The following RASEF variants were observed in gnomAD, a reference collection of about 807,000 sequenced individuals.
The protein encoded by RASEF is RAS and EF-hand domain containing.
In RASEF, 68 loss-of-function variants were observed where a neutral mutation model predicts 90.1. The observed-to-expected ratio is 0.75, with a 90% CI of 0.62 to 0.92. The LOEUF (loss-of-function observed/expected upper bound fraction) is 0.92, where lower values mean the gene tolerates loss of function less well. Among genes scored for constraint, RASEF ranks in the 40% least tolerant of loss-of-function variants. The pLI, the probability that RASEF is intolerant of heterozygous loss-of-function variation, is 0.00. For synonymous variants in RASEF, 331 were observed against 345.2 expected (o/e 0.96, Z 0.46); for missense variants, 949 against 937.2 (o/e 1.01, Z -0.16).
At chr9:83,092,500 T>C in the RASEF span, among the ~76,000 whole-genome samples, 2 of 151,802 alleles carry the variant, frequency 1.3e-5, no homozygotes, top group Admixed American at 6.6e-5. Flanking sequence ...GCGGCGCGTC[T>C]GGAGTTGTTC....
chr9:83,186,467 T>C, the RASEF span, among the ~76,000 whole-genome samples: 1 of 152,138 alleles, frequency 6.6e-6, no homozygotes, highest in East Asian at 1.9e-4. Flanking sequence ...CTTCTTAGTA[T>C]GACATTTAAG....
rs954596154 is a variant in RASEF at position 83,026,567 on chromosome 9, C to T, written c.432-646G>A. On this transcript the variant is annotated intron_variant, in intron 1 of 16. Transcript: ENST00000376447. Reference sequence around the variant, plus strand: ...CTCTTTCACTATCACGAGAACAGTACGGGGGAAACCGCCCACATGATCCAA... The same window carrying T: ...CTCTTTCACTATCACGAGAACAGTATGGGGGAAACCGCCCACATGATCCAA... Among the ~76,000 whole-genome samples the T allele has an allele frequency of 5.3e-5, 8 of 152,118 alleles. No homozygotes were observed. The South Asian group carries it at 8.3e-4, about 16-fold the overall frequency.
At chr9:83,033,518 T>C (rs902281550) in intron 1 of RASEF, among the ~76,000 whole-genome samples, 6 of 152,072 alleles carry the variant, frequency 3.9e-5, no homozygotes, top group African/African-American at 1.2e-4. Context: ...GAGCTGGAGC[T>C]GGAGAAGTTA....
chr9:82,995,876 A>C (rs1828907783), intron 14 of RASEF, among the ~76,000 whole-genome samples: 1 of 152,204 alleles, frequency 6.6e-6, no homozygotes, highest in Admixed American at 6.5e-5. Flanking sequence ...AGCAAGAGCT[A>C]CCTATGCTTT....
At chr9:83,112,870 T>C in the RASEF span, among the ~76,000 whole-genome samples, 6 of 152,106 alleles carry the variant, frequency 3.9e-5, no homozygotes, top group Admixed American at 1.3e-4. Context: ...GAAAAGACAA[T>C]GGAGATACAA....
chr9:83,024,887 C>T (rs1564080987), intron 2 of RASEF, among the ~76,000 whole-genome samples: 2 of 152,142 alleles, frequency 1.3e-5, no homozygotes, highest in Admixed American at 6.5e-5. Context: ...ATTAAAAGGG[C>T]TGCATCTATA....
At chr9:82,993,113 T>G in intron 14 of RASEF, 88 bp from the exon 15 acceptor site, 1 of 1,414,510 alleles carries the variant, frequency 7.1e-7, no homozygotes, top group Non-Finnish European at 9.6e-7. Flanking sequence ...CAATTACCAT[T>G]TTCCCTTTGC....
chr9:83,025,730 A>T lies in RASEF; in HGVS notation c.578+45T>A, dbSNP rs768580409. On this transcript the variant is annotated intron_variant, in intron 2 of 16. Coordinates refer to ENST00000376447, the MANE Select transcript of RASEF (RefSeq NM_152573.4). ...CATTTGCCACCCAGGTCAGAGAGCA[A>T]GTTAAAGCACCCACAGGCCACTTAT... The T allele has an allele frequency of 1.2e-5, 19 of 1,594,234 alleles. No individual in the cohort carries two copies. In the South Asian group the frequency reaches 2.2e-4, roughly 18 times the overall value.
At chr9:83,174,316 T>C in the RASEF span, among the ~76,000 whole-genome samples, 1 of 152,106 alleles carries the variant, frequency 6.6e-6, no homozygotes, top group Non-Finnish European at 1.5e-5. Flanking sequence ...TGAGTTAATT[T>C]TGAGTTAATC....
the RASEF span, among the ~76,000 whole-genome samples, chr9:83,156,906 C>T: frequency 6.6e-6 from 1 of 152,340 alleles, no homozygotes; most frequent in South Asian, 2.1e-4. Flanking sequence ...ACAGTTTTCA[C>T]TGTAACACAT....
chr9:83,024,720 C>T (rs1829510749), intron 2 of RASEF, among the ~76,000 whole-genome samples: 1 of 152,148 alleles, frequency 6.6e-6, no homozygotes, highest in East Asian at 1.9e-4. Context: ...TAAGAAAGGT[C>T]CTATTTCATA....
At chr9:83,040,024 A>G (rs530266627) in intron 1 of RASEF, among the ~76,000 whole-genome samples, 4 of 152,238 alleles carry the variant, frequency 2.6e-5, no homozygotes, top group Non-Finnish European at 4.4e-5. Flanking sequence ...GTGATAGTGA[A>G]TAAGTCTCAT....
the RASEF span, among the ~76,000 whole-genome samples, chr9:83,077,653 A>C: frequency 1.3e-5 from 2 of 152,350 alleles, no homozygotes; most frequent in Admixed American, 6.5e-5. Context: ...AGATTATTAG[A>C]GAAATAATCC....
At chr9:83,061,682 C>T (rs371526056) in intron 1 of RASEF, among the ~76,000 whole-genome samples, 3 of 152,260 alleles carry the variant, frequency 2.0e-5, no homozygotes, top group African/African-American at 4.8e-5. Context: ...TAATTAAGTC[C>T]GTGACTTGAC....
chr9:83,202,840 A>T, the RASEF span, among the ~76,000 whole-genome samples: 6 of 152,138 alleles, frequency 3.9e-5, no homozygotes, highest in African/African-American at 7.2e-5. Flanking sequence ...TAAGTATGTG[A>T]GGCACTACAT....
intron 2 of RASEF, among the ~76,000 whole-genome samples, chr9:83,023,956 A>T (rs1340839186): frequency 6.6e-6 from 1 of 152,162 alleles, no homozygotes; most frequent in Non-Finnish European, 1.5e-5. Context: ...AGCAATTTCC[A>T]ATTTCTGGTG....
chr9:83,175,204 T>G, the RASEF span, among the ~76,000 whole-genome samples: 2 of 152,186 alleles, frequency 1.3e-5, no homozygotes, highest in Admixed American at 1.3e-4. Context: ...GGGGAAACAC[T>G]TCAGTCTAAC....
the RASEF span, among the ~76,000 whole-genome samples, chr9:83,195,134 G>A: frequency 5.9e-5 from 9 of 152,284 alleles, no homozygotes; most frequent in Middle Eastern, 3.4e-3. Context: ...AATTGAGATC[G>A]TCATATGTCA....
At chr9:83,139,680 T>C in the RASEF span, among the ~76,000 whole-genome samples, 5 of 152,078 alleles carry the variant, frequency 3.3e-5, no homozygotes, top group African/African-American at 7.2e-5. Context: ...AAAATCCATA[T>C]ATAAGTGGAC....
Sources: gnomAD v4.1 joint callset for allele counts (sites outside exome capture counted in the v4.1 genomes callset) on GRCh38, gnomAD v4.1.1 for gene constraint, MANE v1.5 for transcripts, NCBI Gene and HGNC (gene_info 2026-07-23, HGNC 2026-07-21) for gene names.